DLGAP5: variants seen among roughly 807,000 people sequenced by gnomAD.
DLGAP5 encodes the protein disks large-associated protein 5.
DLGAP5 carries 90 observed loss-of-function variants against 99.6 expected under a neutral mutation model. The ratio of observed to expected loss-of-function variants is 0.90; its 90% CI spans 0.76 to 1.08. DLGAP5 has a LOEUF of 1.08. DLGAP5 is among the 50% of genes least tolerant of loss of function. The pLI is 0.00. For missense variants in DLGAP5, 1,036 were observed against 983.5 expected (o/e 1.05, Z -0.71); for synonymous variants, 311 against 321.3 (o/e 0.97, Z 0.34).
At chr14:55,149,268 G>A (rs116086274) in intron 18 of DLGAP5, among the ~76,000 whole-genome samples, 1 of 152,128 alleles carries the variant, frequency 6.6e-6, no homozygotes, top group East Asian at 1.9e-4. Context: ...TTCGATCTGG[G>A]AACAGGGTTA....
chr14:55,170,092 G>A (rs536156852), intron 11 of DLGAP5, among the ~76,000 whole-genome samples: 9 of 151,710 alleles, frequency 5.9e-5, no homozygotes, highest in South Asian at 2.1e-4. Context: ...CCGATATGGC[G>A]CCATTGCACT....
At chr14:55,149,984 C>A (rs746160249) in intron 18 of DLGAP5, among the ~76,000 whole-genome samples, 1 of 149,446 alleles carries the variant, frequency 6.7e-6, no homozygotes. Context: ...ACCCAGGAGG[C>A]AGAGGTTACA....
In DLGAP5 at chr14:55,179,613, G is replaced by A; in HGVS notation, c.774+16C>T. The stretch of plus-strand genomic sequence containing the variant: ...TTTTCAAAGCATCTAGAATTAAAAA[G>A]ATGTTTATTCTCTACCTTGTCGGGT... On this transcript the variant is annotated intron_variant, in intron 7 of 18. Transcript: ENST00000247191. 6.3e-7 allele frequency: 1 copy of A among 1,593,506 alleles called. No individual in the cohort carries two copies. Among genetic ancestry groups the A allele is most frequent in the Non-Finnish European group, 8.6e-7 (1 of 1,167,814 alleles).
chr14:55,180,832 T>C, intron 5 of DLGAP5, 54 bp from the exon 6 acceptor site: 1 of 1,594,456 alleles, frequency 6.3e-7, no homozygotes, highest in Non-Finnish European at 8.5e-7. Context: ...ATGAAATTAT[T>C]GCTGTGAAGC....
chr14:55,178,109 G>C (rs945914499), intron 7 of DLGAP5, among the ~76,000 whole-genome samples: 3 of 151,358 alleles, frequency 2.0e-5, no homozygotes, highest in African/African-American at 7.3e-5. Context: ...AAAATTATTG[G>C]GGCGTGGTGG....
intron 2 of DLGAP5, among the ~76,000 whole-genome samples, chr14:55,185,487 C>G (rs1157607204): frequency 6.6e-6 from 1 of 152,096 alleles, no homozygotes; most frequent in African/African-American, 2.4e-5. Context: ...GTGTGAGCCA[C>G]CACGCCTGGC....
intron 3 of DLGAP5, 35 bp from the exon 4 acceptor site, chr14:55,182,467 T>C (rs1401366434): frequency 5.1e-6 from 8 of 1,558,046 alleles, no homozygotes; most frequent in Non-Finnish European, 7.0e-6. Context: ...ACTTAAAATA[T>C]GAACTGGTAA....
chr14:55,178,568 A>G (rs1418592945), intron 7 of DLGAP5, among the ~76,000 whole-genome samples: 1 of 152,238 alleles, frequency 6.6e-6, no homozygotes, highest in African/African-American at 2.4e-5. Context: ...ACACTGTTGA[A>G]GCCAGCATGG....
At chr14:55,157,448 T>A (rs1882252699) in intron 14 of DLGAP5, among the ~76,000 whole-genome samples, 1 of 152,174 alleles carries the variant, frequency 6.6e-6, no homozygotes, top group East Asian at 1.9e-4. Context: ...TACTTGAGGA[T>A]CACTATAAAT....
intron 4 of DLGAP5, among the ~76,000 whole-genome samples, chr14:55,181,988 C>G (rs1039521060): frequency 1.3e-5 from 2 of 152,158 alleles, no homozygotes; most frequent in Non-Finnish European, 2.9e-5. Flanking sequence ...CCCTTCTTGC[C>G]CACTTCACTT....
intron 12 of DLGAP5, among the ~76,000 whole-genome samples, chr14:55,168,672 A>G (rs932771640): frequency 2.0e-5 from 3 of 152,170 alleles, no homozygotes; most frequent in African/African-American, 7.2e-5. Flanking sequence ...TCAAATTACA[A>G]ACTCCTCTGG....
In DLGAP5 at chr14:55,151,694, CCTGA is replaced by C. The variant is rs1882023417; in HGVS notation, c.2365_2368del (p.Ser789AsnfsTer20). ...GTTTAAATATATTTTAAATATCTCA[CCTGA>C]CTGAGAAATTTTAGTTTCCCCTTCT... On this transcript the variant is annotated frameshift_variant and splice_region_variant, in exon 17 of 19. Transcript: ENST00000247191. LOFTEE classifies it low-confidence loss of function (END_TRUNC). 2.5e-6 allele frequency: 4 copies of C among 1,611,984 alleles called. No homozygotes were observed. The highest frequency in any genetic ancestry group is 3.4e-6 in the Non-Finnish European group (4 of 1,179,282).
chr14:55,177,002 A>AC, intron 8 of DLGAP5, 60 bp downstream of exon 8: 1 of 1,091,830 alleles, frequency 9.2e-7, no homozygotes, highest in Non-Finnish European at 1.2e-6. Flanking sequence ...AAAAAAAAAA[A>AC]AAGAAAGGCA....
At chr14:55,161,525 T>G (rs1882433849) in intron 13 of DLGAP5, among the ~76,000 whole-genome samples, 1 of 149,386 alleles carries the variant, frequency 6.7e-6, no homozygotes, top group African/African-American at 2.5e-5. Flanking sequence ...TTCTCCTGCC[T>G]CAGCCTCCTG....
chr14:55,177,366 G>A, intron 7 of DLGAP5, 30 bp from the exon 8 acceptor site: 2 of 1,542,632 alleles, frequency 1.3e-6, no homozygotes, highest in Non-Finnish European at 1.7e-6. Context: ...AGTAGAGTAA[G>A]ATTTCTCTCT....
chr14:55,158,597 T>C lies in DLGAP5; in HGVS notation c.1798A>G (p.Ile600Val), dbSNP rs745916502. ...ACTATTTTATCAACTTCCTTTGGTA[T>C]CACAGAAACTGCTGTTTCAGCACAT... ...EECAETAVSV[I>V]PKEVDKIVFD... Residue 600 changes from isoleucine to valine, a missense_variant, in exon 14 of 19, where the codon ATA becomes GTA. By Grantham distance (29) the Ile-to-Val change is conservative. Transcript: ENST00000247191. 6.2e-7 allele frequency: 1 copy of C among 1,614,188 alleles called. No homozygotes were observed.
chr14:55,187,392 A>C (rs2340934), intron 2 of DLGAP5, among the ~76,000 whole-genome samples: 149,596 of 149,596 alleles, frequency 1, 74,798 homozygotes, highest in Non-Finnish European at 1. Flanking sequence ...GATCTCAGCT[A>C]ACTGCAACGT....
chr14:55,162,357 T>C (rs537700443), intron 13 of DLGAP5, among the ~76,000 whole-genome samples: 4 of 152,158 alleles, frequency 2.6e-5, no homozygotes, highest in Admixed American at 2.6e-4. Flanking sequence ...CGGTGGCTCA[T>C]GCCTGTAATC....
At chr14:55,177,837 C>T (rs1040850033) in intron 7 of DLGAP5, among the ~76,000 whole-genome samples, 1 of 151,480 alleles carries the variant, frequency 6.6e-6, no homozygotes, top group South Asian at 2.1e-4. Flanking sequence ...GCACCCACCC[C>T]GAACCAATTC....
Sources: allele counts gnomAD v4.1 joint callset (sites outside exome capture counted in the v4.1 genomes callset), GRCh38; gene constraint gnomAD v4.1.1; transcripts MANE v1.5; gene names NCBI Gene and HGNC (gene_info 2026-07-23, HGNC 2026-07-21).